The following EYS variants were observed in gnomAD, a reference collection of about 807,000 sequenced individuals.
EYS encodes EGF-like photoreceptor maintenance factor, also known as protein eyes shut homolog.
A neutral mutation model predicts 282.1 loss-of-function variants in EYS; 250 were observed. The observed-to-expected ratio is 0.89, with a 90% CI of 0.80 to 0.98. The LOEUF is 0.98. Among genes scored for constraint, EYS ranks in the 50% least tolerant of loss-of-function variants. EYS has a pLI of 0.00. For synonymous variants in EYS, 1,355 were observed against 1,282.9 expected, an observed-to-expected ratio of 1.06 and a Z score of -1.20; for missense variants, 4,016 against 3,709.0, an observed-to-expected ratio of 1.08 and a Z score of -2.15.
intron 30 of EYS, among the ~76,000 whole-genome samples, chr6:64,267,429 C>T (rs1272837718): frequency 1.3e-5 from 2 of 152,204 alleles, no homozygotes; most frequent in Non-Finnish European, 1.5e-5. Flanking sequence ...GTTCTGTCTG[C>T]TGTGGGCAAT....
intron 22 of EYS, among the ~76,000 whole-genome samples, chr6:64,665,388 C>T (rs1291122278): frequency 1.3e-5 from 2 of 152,114 alleles, no homozygotes; most frequent in Non-Finnish European, 2.9e-5. Context: ...CTATTATAGG[C>T]TAAATCAAAT....
chr6:64,004,899 A>G (rs933480350), intron 33 of EYS, among the ~76,000 whole-genome samples: 3 of 151,990 alleles, frequency 2.0e-5, no homozygotes, highest in South Asian at 2.1e-4. Flanking sequence ...TGCCTTTCCT[A>G]TTGTGAATAG....
At chr6:63,977,531 T>C (rs915407041) in intron 35 of EYS, among the ~76,000 whole-genome samples, 2 of 152,018 alleles carry the variant, frequency 1.3e-5, no homozygotes, top group Non-Finnish European at 2.9e-5. Context: ...GAGGGCCTCT[T>C]AAGCTTCATT....
At position 64,177,754 on chromosome 6, in the gene EYS, C is replaced by CAT. The variant is rs769981571; in HGVS notation, c.6424+52836_6424+52837dup. Reference sequence around the variant, plus strand: ...CATACTTTGTTTTTTTTCTCTCGGGCATAACTTGATTTCTCTGATACTTTA... The same window carrying CAT: ...CATACTTTGTTTTTTTTCTCTCGGGCATATAACTTGATTTCTCTGATACTTTA... On this transcript the variant is annotated intron_variant, in intron 31 of 42. Transcript: ENST00000503581. Among the ~76,000 whole-genome samples, 232 of 152,180 alleles carry CAT rather than the reference C, an allele frequency of 1.5e-3. 1 individual carries two copies. Among genetic ancestry groups the CAT allele is most frequent in the Non-Finnish European group, 2.7e-3 (181 of 67,982 alleles).
At chr6:64,298,832 T>C (rs1769130521) in intron 30 of EYS, among the ~76,000 whole-genome samples, 2 of 151,974 alleles carry the variant, frequency 1.3e-5, no homozygotes, top group African/African-American at 4.8e-5. Flanking sequence ...ACTGAAAGGA[T>C]GGAAAAAAAT....
chr6:63,865,463 CTT>C (rs5876871), intron 35 of EYS, among the ~76,000 whole-genome samples: 6 of 147,216 alleles, frequency 4.1e-5, no homozygotes. Context: ...TTAATCTTTT[CTT>C]TTTTTTTTTG....
chr6:64,099,895 G>T (rs1004532373), intron 31 of EYS, among the ~76,000 whole-genome samples: 6 of 152,076 alleles, frequency 3.9e-5, no homozygotes, highest in African/African-American at 1.4e-4. Context: ...TTCAACTCAA[G>T]AAATATATTT....
chr6:64,430,593 C>T (rs1774545310), intron 28 of EYS, among the ~76,000 whole-genome samples: 1 of 152,078 alleles, frequency 6.6e-6, no homozygotes, highest in African/African-American at 2.4e-5. Flanking sequence ...TGATTTTTTG[C>T]TTTTATCCTA....
intron 12 of EYS, among the ~76,000 whole-genome samples, chr6:65,253,901 A>T (rs956524222): frequency 2.0e-5 from 3 of 151,826 alleles, no homozygotes; most frequent in Non-Finnish European, 4.4e-5. Flanking sequence ...CCCCAATACA[A>T]TATAAATTCT....
chr6:64,597,723 T>TG (rs958998790), intron 24 of EYS, among the ~76,000 whole-genome samples: 24 of 136,216 alleles, frequency 1.8e-4, no homozygotes, highest in South Asian at 2.6e-4. Context: ...GGGGAGGACA[T>TG]GGGGGGGTAA....
At chr6:65,349,051 AT>A (rs1214235679) in intron 9 of EYS, among the ~76,000 whole-genome samples, 3 of 151,352 alleles carry the variant, frequency 2.0e-5, no homozygotes, top group African/African-American at 4.8e-5. Flanking sequence ...AACAAGTCGA[AT>A]TTTTTTTCAG....
chr6:63,797,616 G>T (rs1024827518), intron 37 of EYS: 7 of 152,192 alleles, frequency 4.6e-5, no homozygotes, highest in Non-Finnish European at 8.8e-5. Flanking sequence ...GGACTATTCA[G>T]TTATGGATAT....
intron 2 of EYS, among the ~76,000 whole-genome samples, chr6:65,501,992 T>C (rs982251105): frequency 6.6e-6 from 1 of 151,762 alleles, no homozygotes; most frequent in Non-Finnish European, 1.5e-5. Context: ...CCTTTTCCTT[T>C]CTCCACATAT....
At chr6:63,841,841 T>C (rs1315107093) in intron 36 of EYS, among the ~76,000 whole-genome samples, 1 of 152,202 alleles carries the variant, frequency 6.6e-6, no homozygotes, top group African/African-American at 2.4e-5. Context: ...CTCCCACTTA[T>C]GAGTGAGAAC....
At chr6:65,187,180 T>C (rs1562011676) in intron 12 of EYS, among the ~76,000 whole-genome samples, 1 of 151,770 alleles carries the variant, frequency 6.6e-6, no homozygotes, top group Non-Finnish European at 1.5e-5. Context: ...TTATTCAATA[T>C]TCAATTTACA....
At chr6:64,896,828 C>T (rs955116866) in intron 18 of EYS, among the ~76,000 whole-genome samples, 2 of 152,054 alleles carry the variant, frequency 1.3e-5, no homozygotes, top group African/African-American at 4.8e-5. Context: ...GTGAACAAAG[C>T]CGCCAGGAAG....
chr6:64,250,018 C>T (rs1562272262), intron 30 of EYS, among the ~76,000 whole-genome samples: 1 of 152,226 alleles, frequency 6.6e-6, no homozygotes, highest in East Asian at 1.9e-4. Flanking sequence ...AAGTGAATCT[C>T]AGGTTTTGAA....
At chr6:65,641,839 C>G (rs1350328713) in intron 1 of EYS, among the ~76,000 whole-genome samples, 1 of 152,066 alleles carries the variant, frequency 6.6e-6, no homozygotes, top group Non-Finnish European at 1.5e-5. Context: ...TCTTTGACTT[C>G]TTTAAGTTAA....
At chr6:65,159,759 G>A (rs545480367) in intron 12 of EYS, among the ~76,000 whole-genome samples, 4 of 150,938 alleles carry the variant, frequency 2.7e-5, no homozygotes, top group African/African-American at 9.7e-5. Context: ...TTTTGTCAAA[G>A]ACAGAATTGT....
Sources: allele counts gnomAD v4.1 joint callset (sites outside exome capture counted in the v4.1 genomes callset), GRCh38; gene constraint gnomAD v4.1.1; transcripts MANE v1.5; gene names NCBI Gene and HGNC (gene_info 2026-07-23, HGNC 2026-07-21).